FRMPD1: variants seen among roughly 807,000 people sequenced by gnomAD.
FRMPD1 encodes FERM and PDZ domain-containing protein 1.
FRMPD1 carries 76 observed loss-of-function variants against 117.8 expected under a neutral mutation model. The ratio of observed to expected loss-of-function variants is 0.65; its 90% CI spans 0.54 to 0.78. The LOEUF (loss-of-function observed/expected upper bound fraction) is 0.78. FRMPD1 is among the 30% of genes least tolerant of loss of function. The pLI, the probability that FRMPD1 is intolerant of heterozygous loss-of-function variation, is 0.00. For synonymous variants in FRMPD1, 783 were observed against 770.4 expected (o/e 1.02, Z -0.27); for missense variants, 1,786 against 1,964.5 (o/e 0.91, Z 1.72).
chr9:37,621,011 T>G, the FRMPD1 span, among the ~76,000 whole-genome samples: 1 of 152,340 alleles, frequency 6.6e-6, no homozygotes, highest in Admixed American at 6.5e-5. Context: ...TACCTATTTT[T>G]GTATAGAAAA....
chr9:37,637,052 G>T, the FRMPD1 span: 1 of 1,544,674 alleles, frequency 6.5e-7, no homozygotes, highest in Non-Finnish European at 9.0e-7. Context: ...GAAGCCATGA[G>T]CCCCCCGGTA....
chr9:37,633,557 C>T, the FRMPD1 span, among the ~76,000 whole-genome samples: 2 of 152,134 alleles, frequency 1.3e-5, no homozygotes, highest in Non-Finnish European at 2.9e-5. Context: ...TAAACTAGGT[C>T]TCTGGGAAAG....
At chr9:37,677,002 A>T (rs2117887992) in intron 1 of FRMPD1, among the ~76,000 whole-genome samples, 1 of 152,334 alleles carries the variant, frequency 6.6e-6, no homozygotes, top group African/African-American at 2.4e-5. Flanking sequence ...AGAGGATCTA[A>T]TGGAACGAAT....
intron 5 of FRMPD1, among the ~76,000 whole-genome samples, chr9:37,717,396 T>TGAGATGTAG (rs1823191986): frequency 6.9e-6 from 1 of 144,978 alleles, no homozygotes. Flanking sequence ...TTTTTTTTTT[T>TGAGATGTAG]TGAGATGTAG....
chr9:37,673,282 G>A (rs1821416923), intron 1 of FRMPD1, among the ~76,000 whole-genome samples: 1 of 152,200 alleles, frequency 6.6e-6, no homozygotes, highest in South Asian at 2.1e-4. Flanking sequence ...ATCCAGTGGA[G>A]CAGTCAAATT....
At chr9:37,608,663 A>C in the FRMPD1 span, among the ~76,000 whole-genome samples, 2 of 152,158 alleles carry the variant, frequency 1.3e-5, no homozygotes, top group African/African-American at 4.8e-5. Flanking sequence ...TTCTTTTGCA[A>C]ATCATTCCTG....
chr9:37,625,044 A>G, the FRMPD1 span, among the ~76,000 whole-genome samples: 1 of 152,234 alleles, frequency 6.6e-6, no homozygotes, highest in Non-Finnish European at 1.5e-5. Flanking sequence ...TTCATCAAAG[A>G]AAAATGTCTT....
the FRMPD1 span, among the ~76,000 whole-genome samples, chr9:37,604,587 T>C: frequency 1.3e-5 from 2 of 152,364 alleles, no homozygotes; most frequent in Non-Finnish European, 2.9e-5. Flanking sequence ...AGGTTTTCTT[T>C]CCTTCTTAGA....
rs78766797 is a variant in FRMPD1, at chr9:37,739,934, C to T, written c.1550-144C>T. ...GCTGGAGTCCCTCGGATCCCGTGTT[C>T]GTCAGTATAGGACGGTCTTAGGCCA... On this transcript the variant is annotated intron_variant, in intron 14 of 15. Coordinates refer to ENST00000377765, the MANE Select transcript of FRMPD1 (RefSeq NM_014907.3). 932 of 627,352 alleles carry T rather than the reference C, an allele frequency of 1.5e-3. 5 individuals are homozygous for T. Among genetic ancestry groups the T allele is most frequent in the African/African-American group, 0.014 (794 of 54,830 alleles). 38.9% of individuals were successfully genotyped at this position (627,352 alleles called of 1,614,324 possible). A position where few individuals can be genotyped will look rare whatever the true frequency, so the allele number is the denominator to read the frequency against.
At chr9:37,627,108 G>C in the FRMPD1 span, among the ~76,000 whole-genome samples, 15 of 152,028 alleles carry the variant, frequency 9.9e-5, no homozygotes, top group South Asian at 6.3e-4. Flanking sequence ...CAGCTCCCAT[G>C]GTCCTGCAGA....
intron 2 of FRMPD1, among the ~76,000 whole-genome samples, chr9:37,695,020 TA>T (rs2118051615): frequency 6.6e-6 from 1 of 152,182 alleles, no homozygotes; most frequent in South Asian, 2.1e-4. Context: ...GATAGATAGA[TA>T]GATAGATAGA....
chr9:37,625,966 T>C, the FRMPD1 span, among the ~76,000 whole-genome samples: 2 of 152,362 alleles, frequency 1.3e-5, no homozygotes, highest in Admixed American at 6.5e-5. Flanking sequence ...CTCACGCCTG[T>C]AGTCCCAGCA....
upstream of FRMPD1, among the ~76,000 whole-genome samples, chr9:37,648,172 A>AG (rs397702368): frequency 4.0e-5 from 6 of 151,730 alleles, no homozygotes; most frequent in Non-Finnish European, 8.8e-5. Flanking sequence ...AAGGAAAAAA[A>AG]CCAAGAACTG....
the FRMPD1 span, among the ~76,000 whole-genome samples, chr9:37,611,780 G>T: frequency 1.3e-5 from 2 of 152,130 alleles, no homozygotes; most frequent in Non-Finnish European, 2.9e-5. Flanking sequence ...ATACCTTAGT[G>T]CACAGAGCTT....
chr9:37,630,838 C>T, the FRMPD1 span, among the ~76,000 whole-genome samples: 1 of 152,070 alleles, frequency 6.6e-6, no homozygotes, highest in South Asian at 2.1e-4. Flanking sequence ...TTTTGGTGTC[C>T]CCTGTTATTC....
intron 2 of FRMPD1, among the ~76,000 whole-genome samples, chr9:37,705,208 CA>C (rs770326967): frequency 1.1e-4 from 16 of 147,596 alleles, no homozygotes; most frequent in Admixed American, 2.7e-4. Context: ...TGCTAAAAAA[CA>C]AAAAAAAAAT....
intron 1 of FRMPD1, among the ~76,000 whole-genome samples, chr9:37,659,787 A>G (rs1305138658): frequency 4.0e-5 from 6 of 151,872 alleles, no homozygotes; most frequent in Non-Finnish European, 7.4e-5. Context: ...CAGAAGTTCC[A>G]TGGTCCTTTA....
chr9:37,604,469 T>C, the FRMPD1 span, among the ~76,000 whole-genome samples: 1 of 152,230 alleles, frequency 6.6e-6, no homozygotes, highest in South Asian at 2.1e-4. Flanking sequence ...AACACCCACT[T>C]TTGTCCCTGA....
chr9:37,638,882 C>T, the FRMPD1 span, among the ~76,000 whole-genome samples: 1 of 152,196 alleles, frequency 6.6e-6, no homozygotes, highest in African/African-American at 2.4e-5. Flanking sequence ...CCAGCTCTCT[C>T]CTCTCAAAGT....
Sources: gnomAD v4.1 joint callset for allele counts (sites outside exome capture counted in the v4.1 genomes callset) on GRCh38, gnomAD v4.1.1 for gene constraint, MANE v1.5 for transcripts, NCBI Gene and HGNC (gene_info 2026-07-23, HGNC 2026-07-21) for gene names.